AKAP19: variants seen among roughly 807,000 people sequenced by gnomAD.
AKAP19 encodes A-kinase anchoring protein 19, also known as small A-kinase anchoring protein.
chr2:190,002,112 A>C, the AKAP19 span, among the ~76,000 whole-genome samples: 181 of 152,328 alleles, frequency 1.2e-3, no homozygotes, highest in African/African-American at 4.2e-3. Context: ...TGGTGGGAGT[A>C]GCCTTAGGCC....
the AKAP19 span, among the ~76,000 whole-genome samples, chr2:189,953,748 T>C: frequency 6.6e-6 from 1 of 152,182 alleles, no homozygotes; most frequent in African/African-American, 2.4e-5. Flanking sequence ...CACCTCATTT[T>C]TACAGATGAG....
the AKAP19 span, among the ~76,000 whole-genome samples, chr2:190,143,588 C>T: frequency 1.3e-5 from 2 of 152,188 alleles, no homozygotes; most frequent in Non-Finnish European, 2.9e-5. Context: ...TTATTGTGTT[C>T]TCAGTGTCTG....
chr2:189,928,913 T>C, the AKAP19 span, among the ~76,000 whole-genome samples: 1 of 152,064 alleles, frequency 6.6e-6, no homozygotes, highest in African/African-American at 2.4e-5. Context: ...GTCACTGAAG[T>C]GAAAAAGTAG....
the AKAP19 span, among the ~76,000 whole-genome samples, chr2:190,101,026 G>C: frequency 1.3e-5 from 2 of 152,226 alleles, no homozygotes; most frequent in South Asian, 4.1e-4. Flanking sequence ...GCTTGGAGAT[G>C]CTATGAGGGA....
At chr2:190,013,491 CTCTT>C in the AKAP19 span, among the ~76,000 whole-genome samples, 1 of 151,532 alleles carries the variant, frequency 6.6e-6, no homozygotes, top group Non-Finnish European at 1.5e-5. Context: ...TGAGTCGTCT[CTCTT>C]TGTTTATTTG....
chr2:190,180,480 A>C, the AKAP19 span: 2 of 985,390 alleles, frequency 2.0e-6, no homozygotes, highest in Non-Finnish European at 2.4e-6. This position sits in a 1 kb window ranked among gnomAD's most constrained non-coding sequence, Gnocchi z 6.8. Context: ...GCTGGCTCTT[A>C]CTTTCATTGA....
the AKAP19 span, among the ~76,000 whole-genome samples, chr2:189,938,447 T>A: frequency 6.6e-6 from 1 of 151,302 alleles, no homozygotes; most frequent in Non-Finnish European, 1.5e-5. Flanking sequence ...GAACTGGAGG[T>A]CATTATGGTA....
At chr2:189,991,535 A>T in the AKAP19 span, among the ~76,000 whole-genome samples, 2 of 151,410 alleles carry the variant, frequency 1.3e-5, no homozygotes, top group Non-Finnish European at 2.9e-5. Flanking sequence ...CCACTTTTTG[A>T]TGGGATTATT....
At chr2:189,943,938 G>A in the AKAP19 span, among the ~76,000 whole-genome samples, 1 of 152,202 alleles carries the variant, frequency 6.6e-6, no homozygotes, top group African/African-American at 2.4e-5. Context: ...ATTGTATCTT[G>A]AAAGTAACTA....
At chr2:190,011,050 C>CTTTTTTTTTTTTTTT in the AKAP19 span, among the ~76,000 whole-genome samples, 1 of 59,552 alleles carries the variant, frequency 1.7e-5, no homozygotes. Context: ...CTCTCTCTCT[C>CTTTTTTTTTTTTTTT]TTTTTTTTTT....
the AKAP19 span, among the ~76,000 whole-genome samples, chr2:190,171,248 AC>A: frequency 3.3e-5 from 5 of 152,016 alleles, no homozygotes; most frequent in African/African-American, 1.2e-4. Flanking sequence ...AAAAAAACAA[AC>A]AGTGCAATTC....
the AKAP19 span, among the ~76,000 whole-genome samples, chr2:190,039,422 A>G: frequency 6.6e-6 from 1 of 152,042 alleles, no homozygotes; most frequent in Non-Finnish European, 1.5e-5. Flanking sequence ...TTTTACCACC[A>G]TTGCTACTGC....
At chr2:190,114,490 C>T in the AKAP19 span, among the ~76,000 whole-genome samples, 5 of 152,204 alleles carry the variant, frequency 3.3e-5, no homozygotes, top group African/African-American at 1.2e-4. Context: ...GAGTCTCGCT[C>T]TGTTGCCCAG....
the AKAP19 span, among the ~76,000 whole-genome samples, chr2:189,915,085 A>C: frequency 6.6e-6 from 1 of 152,166 alleles, no homozygotes; most frequent in Non-Finnish European, 1.5e-5. Flanking sequence ...AAGAAAACGT[A>C]ATTAAAACAT....
the AKAP19 span, among the ~76,000 whole-genome samples, chr2:189,882,162 C>G: frequency 1.3e-5 from 2 of 152,264 alleles, no homozygotes; most frequent in South Asian, 4.1e-4. Context: ...TCTAAATTAA[C>G]TGAGACCTGT....
At chr2:190,128,654 C>T in the AKAP19 span, among the ~76,000 whole-genome samples, 1 of 152,310 alleles carries the variant, frequency 6.6e-6, no homozygotes, top group South Asian at 2.1e-4. Context: ...TTTCCTCCTA[C>T]CCAGAATTGC....
At chr2:190,177,403 A>G in the AKAP19 span, among the ~76,000 whole-genome samples, 3 of 152,198 alleles carry the variant, frequency 2.0e-5, no homozygotes, top group Admixed American at 6.5e-5. The surrounding 1 kb of genome is among the most constrained non-coding windows in gnomAD (Gnocchi z 4.6). Flanking sequence ...TCACCACTTC[A>G]TTATCAGAAA....
the AKAP19 span, among the ~76,000 whole-genome samples, chr2:189,959,405 AC>A: frequency 6.6e-6 from 1 of 152,182 alleles, no homozygotes. Flanking sequence ...ACTTTATTTA[AC>A]AGATCAATTT....
the AKAP19 span, among the ~76,000 whole-genome samples, chr2:189,974,482 C>A: frequency 2.2e-3 from 2 of 898 alleles, no homozygotes; most frequent in African/African-American, 4.1e-3. Flanking sequence ...AGTTCTGTAG[C>A]AGTCTATGAG....
Sources: allele counts gnomAD v4.1 joint callset (sites outside exome capture counted in the v4.1 genomes callset), GRCh38; gene constraint gnomAD v4.1.1; non-coding constraint Gnocchi (gnomAD v3.1); transcripts MANE v1.5; gene names NCBI Gene and HGNC (gene_info 2026-07-23, HGNC 2026-07-21).